The following GRIA4 variants were observed in gnomAD, a reference collection of about 807,000 sequenced individuals.
GRIA4 encodes the protein glutamate ionotropic receptor AMPA type subunit 4, also known as glutamate receptor 4.
A neutral mutation model predicts 104.0 loss-of-function variants in GRIA4; 34 were observed. The ratio of observed to expected loss-of-function variants is 0.33; its 90% CI spans 0.25 to 0.44. The LOEUF (loss-of-function observed/expected upper bound fraction) is 0.44, where lower values mean the gene tolerates loss of function less well. Ranked by LOEUF, GRIA4 falls within the 20% of genes least tolerant of loss-of-function variation. The pLI is 1.00. For synonymous variants in GRIA4, 386 were observed against 381.9 expected (o/e 1.01, Z -0.13); for missense variants, 750 against 1,096.5 (o/e 0.68, Z 4.46).
At chr11:105,861,733 G>C (rs1565296205) in intron 4 of GRIA4, among the ~76,000 whole-genome samples, 1 of 152,048 alleles carries the variant, frequency 6.6e-6, no homozygotes, top group Non-Finnish European at 1.5e-5. Flanking sequence ...TTTGGTTTGG[G>C]GTTTGTCTCA....
intron 3 of GRIA4, among the ~76,000 whole-genome samples, chr11:105,704,584 G>A (rs1415432302): frequency 6.6e-6 from 1 of 151,932 alleles, no homozygotes; most frequent in African/African-American, 2.4e-5. Flanking sequence ...GGACAAATTT[G>A]CATTTTTAAA....
chr11:105,947,318 C>T (rs1393894833), intron 14 of GRIA4, among the ~76,000 whole-genome samples: 3 of 151,898 alleles, frequency 2.0e-5, no homozygotes, highest in Non-Finnish European at 4.4e-5. Context: ...TTTATTTATC[C>T]TGAATTTTAA....
intron 10 of GRIA4, chr11:105,912,795 G>A: frequency 1.0e-6 from 1 of 983,146 alleles, no homozygotes; most frequent in Non-Finnish European, 1.2e-6. Context: ...CAGGACCTAT[G>A]ATATCCCTCC....
At chr11:105,931,163 G>T (rs778972065) in intron 13 of GRIA4, among the ~76,000 whole-genome samples, 4 of 151,850 alleles carry the variant, frequency 2.6e-5, no homozygotes, top group Non-Finnish European at 4.4e-5. Flanking sequence ...TGTACTTGAG[G>T]ATTTGGAATC....
intron 4 of GRIA4, among the ~76,000 whole-genome samples, chr11:105,771,913 TA>T (rs1482113101): frequency 6.6e-6 from 1 of 152,070 alleles, no homozygotes; most frequent in African/African-American, 2.4e-5. Flanking sequence ...TTATAAAAAT[TA>T]AAATGTATCA....
rs749554176 is a variant in GRIA4 at position 105,971,907 on chromosome 11, C to T, written c.2295-7C>T. The T allele has an allele frequency of 3.9e-6, 6 of 1,519,654 alleles. No individual in the cohort carries two copies. The highest frequency in any genetic ancestry group is 1.4e-5 in the African/African-American group (1 of 72,942). The allele number at this position is 1,519,654 out of a possible 1,614,324, so 94.1% of individuals were successfully genotyped here. A position where few individuals can be genotyped will look rare whatever the true frequency, so the allele number is the denominator to read the frequency against. ...ATAATGTTATTTATGTTATTTTCCA[C>T]GTGAAGAACTCCTGTAAACCTTGCC... On this transcript the variant is annotated splice_polypyrimidine_tract_variant and splice_region_variant and intron_variant, in intron 14 of 16. Transcript: ENST00000282499.
At chr11:105,878,269 T>C (rs981775632) in intron 5 of GRIA4, among the ~76,000 whole-genome samples, 1 of 152,154 alleles carries the variant, frequency 6.6e-6, no homozygotes, top group Non-Finnish European at 1.5e-5. Flanking sequence ...AGACTGATGC[T>C]TGTTCCTTCC....
chr11:105,631,071 T>G (rs1951024420), intron 3 of GRIA4, among the ~76,000 whole-genome samples: 1 of 152,204 alleles, frequency 6.6e-6, no homozygotes. Context: ...GTATCTAGAC[T>G]TACTAAAATC....
chr11:105,736,125 A>G (rs1377111711), intron 3 of GRIA4, among the ~76,000 whole-genome samples: 3 of 152,192 alleles, frequency 2.0e-5, no homozygotes, highest in South Asian at 2.1e-4. Flanking sequence ...AAAAATTCAG[A>G]GTACCCAGAC....
intron 4 of GRIA4, among the ~76,000 whole-genome samples, chr11:105,826,848 A>G (rs937684022): frequency 2.0e-5 from 3 of 152,036 alleles, no homozygotes; most frequent in Admixed American, 1.3e-4. Context: ...CAGCTAGGGC[A>G]CTATATCGGC....
intron 3 of GRIA4, among the ~76,000 whole-genome samples, chr11:105,687,137 C>G (rs111978274): frequency 9.9e-5 from 15 of 151,974 alleles, no homozygotes; most frequent in African/African-American, 1.5e-4. Flanking sequence ...AAATTATTTC[C>G]AAAGACTGAT....
chr11:105,701,421 T>G (rs1953486476), intron 3 of GRIA4, among the ~76,000 whole-genome samples: 1 of 152,202 alleles, frequency 6.6e-6, no homozygotes, highest in Admixed American at 6.5e-5. Context: ...CTTTTGGAAG[T>G]CCACAGATCT....
chr11:105,866,546 T>C (rs1187313280), intron 5 of GRIA4, among the ~76,000 whole-genome samples: 1 of 58,280 alleles, frequency 1.7e-5, no homozygotes, highest in Non-Finnish European at 3.8e-5. Context: ...TGTGTGTGTG[T>C]GTGTGTATAT....
chr11:105,691,706 G>A (rs757024689), intron 3 of GRIA4, among the ~76,000 whole-genome samples: 1 of 152,040 alleles, frequency 6.6e-6, no homozygotes, highest in Non-Finnish European at 1.5e-5. Context: ...AGAGGCCGAG[G>A]TGGGCGAATC....
In GRIA4 at chr11:105,793,647, A is replaced by C. The variant is rs180925347; in HGVS notation, c.487+40427A>C. Among the ~76,000 whole-genome samples the C allele has an allele frequency of 1.2e-4, 18 of 152,286 alleles. No homozygotes were observed. In the East Asian group the frequency reaches 3.1e-3, roughly 26 times the overall value. On this transcript the variant is annotated intron_variant, in intron 4 of 16. Transcript: ENST00000282499. Reference sequence around the variant, plus strand: ...TTGGAAGCAGTGATTCAGCGGGTGCAACAAAGTCTCTGCTTTTCTGGAGAA... The same window carrying C: ...TTGGAAGCAGTGATTCAGCGGGTGCCACAAAGTCTCTGCTTTTCTGGAGAA...
At chr11:105,641,021 T>C (rs924970818) in intron 3 of GRIA4, among the ~76,000 whole-genome samples, 1 of 152,132 alleles carries the variant, frequency 6.6e-6, no homozygotes, top group African/African-American at 2.4e-5. Flanking sequence ...TAAATAACTA[T>C]GTTTACAATC....
intron 2 of GRIA4, 82 bp from the exon 3 acceptor site, chr11:105,612,194 C>T: frequency 8.1e-7 from 1 of 1,234,454 alleles, no homozygotes; most frequent in Non-Finnish European, 1.2e-6. Flanking sequence ...TTGTGAATGG[C>T]AGTAGATTTG....
At chr11:105,956,582 C>G (rs1948596815) in intron 14 of GRIA4, among the ~76,000 whole-genome samples, 1 of 152,162 alleles carries the variant, frequency 6.6e-6, no homozygotes, top group Non-Finnish European at 1.5e-5. Context: ...GTGCATGTGT[C>G]TTTATATCAG....
chr11:105,824,002 T>C (rs1461521785), intron 4 of GRIA4, among the ~76,000 whole-genome samples: 1 of 152,056 alleles, frequency 6.6e-6, no homozygotes, highest in Non-Finnish European at 1.5e-5. Flanking sequence ...GGAGAGACCA[T>C]GTGAGGATGG....
Sources: gnomAD v4.1 joint callset for allele counts (sites outside exome capture counted in the v4.1 genomes callset) on GRCh38, gnomAD v4.1.1 for gene constraint, MANE v1.5 for transcripts, NCBI Gene and HGNC (gene_info 2026-07-23, HGNC 2026-07-21) for gene names.